Variants in LRRC37A2 observed in about 807,000 individuals in gnomAD.
LRRC37A2 encodes the protein leucine rich repeat containing 37 member A2.
In LRRC37A2, 9 loss-of-function variants were observed where a neutral mutation model predicts 68.8. That is an observed-to-expected ratio of 0.13 (90% CI 0.08 to 0.23). LRRC37A2 has a LOEUF of 0.23. Ranked by LOEUF, LRRC37A2 falls within the 10% of genes least tolerant of loss-of-function variation. The probability of loss-of-function intolerance (pLI) is 1.00; values close to 1 mark genes in which losing one functional copy is unlikely to be tolerated. For synonymous variants in LRRC37A2, 63 were observed against 367.6 expected, an observed-to-expected ratio of 0.17 and a Z score of 9.48; for missense variants, 168 against 950.4, an observed-to-expected ratio of 0.18 and a Z score of 10.82.
chr17:46,751,702 TTTAA>T, the LRRC37A2 span: 1 of 707,338 alleles, frequency 1.4e-6, no homozygotes, highest in East Asian at 2.9e-5. Flanking sequence ...TTGCCAAGGT[TTTAA>T]TTAATTTAAG....
At position 46,545,529 on chromosome 17, in the gene LRRC37A2, TC is replaced by T. The variant is rs1444642994; in HGVS notation, c.3054-725del. Among the ~76,000 whole-genome samples, 30 of 125,036 alleles carry T rather than the reference TC, an allele frequency of 2.4e-4. 1 individual carries two copies. Among genetic ancestry groups the T allele is most frequent in the African/African-American group, 1.1e-3 (29 of 25,802 alleles). 82.0% of individuals were successfully genotyped at this position (125,036 alleles called of 152,430 possible). A position where few individuals can be genotyped will look rare whatever the true frequency, so the allele number is the denominator to read the frequency against. The stretch of plus-strand genomic sequence containing the variant: ...TTTGAGTTCAGTGAAGATCCTGTTC[TC>T]AAATGTTTTTTCACCCAAATGTGCA... On this transcript the variant is annotated intron_variant, in intron 8 of 14. Transcript: ENST00000576629.
At chr17:46,764,460 T>TC in the LRRC37A2 span, 2 of 152,278 alleles carry the variant, frequency 1.3e-5, no homozygotes, top group African/African-American at 4.8e-5. Context: ...AGGGAGAGCC[T>TC]CCCCGTCCAC....
At chr17:46,794,864 C>A in the LRRC37A2 span, among the ~76,000 whole-genome samples, 1 of 151,736 alleles carries the variant, frequency 6.6e-6, no homozygotes, top group African/African-American at 2.4e-5. Flanking sequence ...GATTCTCGTG[C>A]CTCAGCCTTC....
the LRRC37A2 span, among the ~76,000 whole-genome samples, chr17:46,991,964 G>A: frequency 6.6e-6 from 1 of 152,150 alleles, no homozygotes; most frequent in African/African-American, 2.4e-5. Context: ...GCTACTTCCT[G>A]GTTTATAATG....
At chr17:46,781,096 T>C in the LRRC37A2 span, among the ~76,000 whole-genome samples, 40 of 151,876 alleles carry the variant, frequency 2.6e-4, no homozygotes, top group Non-Finnish European at 1.9e-4. Context: ...GGCCTGGTGG[T>C]GCGTGCCTGT....
the LRRC37A2 span, chr17:46,762,538 TAAC>T: frequency 6.6e-6 from 1 of 151,552 alleles, no homozygotes; most frequent in Non-Finnish European, 1.5e-5. Flanking sequence ...TTTAATGACT[TAAC>T]AGAAAAAAAC....
the LRRC37A2 span, among the ~76,000 whole-genome samples, chr17:47,029,823 C>T: frequency 3.3e-5 from 5 of 152,060 alleles, no homozygotes; most frequent in African/African-American, 7.2e-5. Context: ...AATTCCAGCA[C>T]TTTGCTCAGG....
chr17:46,722,076 C>G, the LRRC37A2 span: 1 of 1,611,120 alleles, frequency 6.2e-7, no homozygotes, highest in South Asian at 1.1e-5. Flanking sequence ...GAGTTCATCT[C>G]CAGCTCCAGA....
chr17:46,678,262 TACC>T, the LRRC37A2 span, among the ~76,000 whole-genome samples: 836 of 113,048 alleles, frequency 7.4e-3, 19 homozygotes, highest in Admixed American at 0.038. Flanking sequence ...TAATTATACT[TACC>T]ACATTCAAGG....
intron 6 of LRRC37A2, among the ~76,000 whole-genome samples, chr17:46,536,785 T>C (rs1321616468): frequency 4.7e-4 from 3 of 6,422 alleles, no homozygotes; most frequent in South Asian, 2.2e-3. Flanking sequence ...TCTGGTCAAA[T>C]AAAGACAAAC....
the LRRC37A2 span, among the ~76,000 whole-genome samples, chr17:46,501,751 C>T: frequency 1.2e-4 from 18 of 151,324 alleles, 3 homozygotes; most frequent in African/African-American, 4.4e-4. Flanking sequence ...TTTCAAGGAC[C>T]GATTTCAATT....
chr17:46,832,655 GC>G, the LRRC37A2 span: 1 of 152,392 alleles, frequency 6.6e-6, no homozygotes, highest in Non-Finnish European at 1.5e-5. Context: ...CCCCAGCCCT[GC>G]CTCCACGCCT....
chr17:46,830,388 A>T, the LRRC37A2 span, among the ~76,000 whole-genome samples: 6 of 152,048 alleles, frequency 3.9e-5, no homozygotes, highest in Non-Finnish European at 7.4e-5. Flanking sequence ...AGTGGCTGAG[A>T]CCACAGACAT....
chr17:46,932,379 C>T, the LRRC37A2 span: 4 of 678,196 alleles, frequency 5.9e-6, no homozygotes, highest in East Asian at 8.1e-5. Flanking sequence ...CAGAGAATCC[C>T]TTTTTCTAAG....
the LRRC37A2 span, among the ~76,000 whole-genome samples, chr17:46,909,316 CCG>C: frequency 6.6e-6 from 1 of 152,162 alleles, no homozygotes; most frequent in Non-Finnish European, 1.5e-5. Flanking sequence ...CAGGAGTGAG[CCG>C]CTGTGCCTGG....
chr17:46,919,872 A>T, the LRRC37A2 span, among the ~76,000 whole-genome samples: 3 of 152,080 alleles, frequency 2.0e-5, no homozygotes, highest in Non-Finnish European at 2.9e-5. Flanking sequence ...GCTTGAACCC[A>T]GGAGGCGGAG....
the LRRC37A2 span, chr17:46,875,043 C>T: frequency 6.2e-7 from 1 of 1,613,090 alleles, no homozygotes; most frequent in South Asian, 1.1e-5. Context: ...CTCTAAGCTT[C>T]CTCCTTTCCT....
the LRRC37A2 span, among the ~76,000 whole-genome samples, chr17:46,724,722 G>T: frequency 6.6e-6 from 1 of 152,136 alleles, no homozygotes; most frequent in African/African-American, 2.4e-5. Context: ...ATTATCCTCT[G>T]CAGTGCCTTC....
At chr17:46,838,832 C>G in the LRRC37A2 span, among the ~76,000 whole-genome samples, 17 of 152,062 alleles carry the variant, frequency 1.1e-4, no homozygotes, top group Admixed American at 8.5e-4. Flanking sequence ...GAGGGGATTA[C>G]TCACCATATA....
Sources: gnomAD v4.1 joint callset for allele counts (sites outside exome capture counted in the v4.1 genomes callset) on GRCh38, gnomAD v4.1.1 for gene constraint, MANE v1.5 for transcripts, NCBI Gene and HGNC (gene_info 2026-07-23, HGNC 2026-07-21) for gene names.